Variants in STAG1 observed in about 807,000 individuals in gnomAD.
The protein encoded by STAG1 is STAG1 cohesin complex component, also known as cohesin subunit SA-1.
In STAG1, 26 loss-of-function variants were observed where a neutral mutation model predicts 170.9. That is an observed-to-expected ratio of 0.15 (90% confidence interval 0.11 to 0.21). The LOEUF (loss-of-function observed/expected upper bound fraction) is 0.21. Among genes scored for constraint, STAG1 ranks in the 10% least tolerant of loss-of-function variants. The pLI is 1.00. For missense variants in STAG1, 964 were observed against 1,509.5 expected, an observed-to-expected ratio of 0.64 and a Z score of 5.99; for synonymous variants, 514 against 497.7, an observed-to-expected ratio of 1.03 and a Z score of -0.44.
intron 9 of STAG1, among the ~76,000 whole-genome samples, chr3:136,481,689 G>T (rs1303626060): frequency 2.2e-5 from 2 of 91,434 alleles, no homozygotes; most frequent in Admixed American, 2.6e-4. Flanking sequence ...GGTAGAATTC[G>T]GCTGTGAATC....
rs114759119 is a variant in STAG1, at chr3:136,341,915, A to G, written c.3447-364T>C. On this transcript the variant is annotated intron_variant, in intron 30 of 33. Coordinates refer to ENST00000383202, the MANE Select transcript of STAG1 (RefSeq NM_005862.3). ...GCAGCTGAAAGTTCTCCAGAATTCA[A>G]CAAGGAAGAATATAGCATCTTTTCC... is the stretch of plus-strand genomic sequence containing the variant. 6.6e-3 allele frequency among the ~76,000 whole-genome samples: 1,003 copies of G among 152,360 alleles called. 11 individuals carry two copies. Among genetic ancestry groups the G allele is most frequent in the African/African-American group, 0.023 (943 of 41,588 alleles).
At chr3:136,617,571 G>C (rs1394291645) in intron 3 of STAG1, among the ~76,000 whole-genome samples, 2 of 152,272 alleles carry the variant, frequency 1.3e-5, no homozygotes, top group South Asian at 2.1e-4. Flanking sequence ...CTTAGTCCTA[G>C]CTTAGTCCTC....
chr3:136,372,163 G>A (rs1351911221), intron 23 of STAG1, among the ~76,000 whole-genome samples: 1 of 152,072 alleles, frequency 6.6e-6, no homozygotes, highest in Admixed American at 6.6e-5. Flanking sequence ...TGTTATTGGT[G>A]TATAAGAATG....
At chr3:136,562,888 T>A (rs1379119317) in intron 5 of STAG1, among the ~76,000 whole-genome samples, 2 of 152,194 alleles carry the variant, frequency 1.3e-5, no homozygotes, top group African/African-American at 4.8e-5. Context: ...ACGCCCAGCA[T>A]TTCTGACTAT....
At chr3:136,441,878 G>A (rs2088642370) in intron 15 of STAG1, among the ~76,000 whole-genome samples, 1 of 152,132 alleles carries the variant, frequency 6.6e-6, no homozygotes, top group Non-Finnish European at 1.5e-5. Flanking sequence ...TAAAAAGAGA[G>A]AGAGTTAAAA....
At chr3:136,393,842 C>T (rs1410994330) in intron 22 of STAG1, among the ~76,000 whole-genome samples, 2 of 152,224 alleles carry the variant, frequency 1.3e-5, no homozygotes, top group South Asian at 2.1e-4. Context: ...GTGATCTGCC[C>T]ACCTTGGCCT....
intron 7 of STAG1, among the ~76,000 whole-genome samples, chr3:136,504,355 T>C (rs1203728744): frequency 6.6e-6 from 1 of 152,198 alleles, no homozygotes; most frequent in Non-Finnish European, 1.5e-5. Context: ...AATGGATTTT[T>C]CAGGATTTTT....
intron 23 of STAG1, among the ~76,000 whole-genome samples, chr3:136,374,527 G>A (rs1425858737): frequency 1.3e-5 from 2 of 151,898 alleles, no homozygotes; most frequent in Non-Finnish European, 2.9e-5. Context: ...TGAGGCAGGA[G>A]AATTGCTTGA....
chr3:136,443,222 A>G, intron 15 of STAG1, 65 bp downstream of exon 15: 2 of 1,142,636 alleles, frequency 1.8e-6, no homozygotes, highest in South Asian at 1.3e-5. Flanking sequence ...AGCGATCTAT[A>G]TACAACTGTA....
intron 1 of STAG1, among the ~76,000 whole-genome samples, chr3:136,657,578 T>C (rs760238011): frequency 5.9e-5 from 9 of 152,086 alleles, no homozygotes; most frequent in Non-Finnish European, 1.0e-4. Context: ...TCCAAACATT[T>C]TGGGAGGCTA....
Position 136,341,297 on chromosome 3 carries a change from A to C in STAG1, c.3557+144T>G, listed in dbSNP as rs477142. 3 of 578,372 alleles carry C rather than the reference A, an allele frequency of 5.2e-6. No homozygotes were observed. In the African/African-American group the frequency reaches 5.7e-5, roughly 11 times the overall value. 35.8% of individuals were successfully genotyped at this position (578,372 alleles called of 1,614,324 possible). A position where few individuals can be genotyped will look rare whatever the true frequency, so the allele number is the denominator to read the frequency against. ...AATGCTGAAAGTGTTAAGAACTCAC[A>C]CCCTCCTTTCCTATGCTGCATAGCA... On this transcript the variant is annotated intron_variant, in intron 31 of 33. Coordinates refer to ENST00000383202, the MANE Select transcript of STAG1 (RefSeq NM_005862.3).
intron 6 of STAG1, among the ~76,000 whole-genome samples, chr3:136,525,857 A>G (rs1934989943): frequency 6.6e-6 from 1 of 152,212 alleles, no homozygotes. Flanking sequence ...TTATGTATCC[A>G]TTAGTCATTC....
intron 7 of STAG1, among the ~76,000 whole-genome samples, chr3:136,509,085 A>C (rs1207854106): frequency 1.3e-5 from 2 of 152,274 alleles, no homozygotes; most frequent in Non-Finnish European, 2.9e-5. Flanking sequence ...AAAGTTCTTG[A>C]GAAGGTGAAA....
intron 3 of STAG1, among the ~76,000 whole-genome samples, chr3:136,608,376 T>C (rs1477749659): frequency 1.3e-5 from 2 of 148,898 alleles, no homozygotes; most frequent in African/African-American, 5.0e-5. Context: ...AGCCCATCTC[T>C]ACAAAGTTAG....
chr3:136,520,990 T>C (rs1371138061), intron 7 of STAG1, among the ~76,000 whole-genome samples: 1 of 152,140 alleles, frequency 6.6e-6, no homozygotes, highest in Non-Finnish European at 1.5e-5. Flanking sequence ...TAACTAAACA[T>C]TCAGACAGAC....
rs983936960 is a variant in STAG1 at position 136,342,282 on chromosome 3, G to A, written c.3447-731C>T. Among the ~76,000 whole-genome samples the A allele has an allele frequency of 4.6e-5, 7 of 151,788 alleles. 1 individual carries two copies. Among genetic ancestry groups the A allele is most frequent in the Admixed American group, 4.6e-4 (7 of 15,226 alleles). The stretch of plus-strand genomic sequence containing the variant: ...GATCCACTTGCCTCGGCCTCCCAAA[G>A]TGCTGGGATTACAGGCATGAGCCAC... On this transcript the variant is annotated intron_variant, in intron 30 of 33. Coordinates refer to ENST00000383202, the MANE Select transcript of STAG1 (RefSeq NM_005862.3).
chr3:136,420,143 A>T (rs1368055370), intron 20 of STAG1, among the ~76,000 whole-genome samples: 1 of 148,986 alleles, frequency 6.7e-6, no homozygotes, highest in Non-Finnish European at 1.5e-5. Context: ...GCTACTCGAG[A>T]GGCTAAGGCA....
intron 4 of STAG1, among the ~76,000 whole-genome samples, chr3:136,571,389 C>T (rs1034631152): frequency 3.9e-5 from 6 of 152,024 alleles, no homozygotes; most frequent in Admixed American, 1.3e-4. Flanking sequence ...AGCAGCATGA[C>T]GAAACCCTGT....
At chr3:136,341,411 T>A in intron 31 of STAG1, 30 bp downstream of exon 31, 2 of 1,393,142 alleles carry the variant, frequency 1.4e-6, no homozygotes, top group Non-Finnish European at 1.0e-6. Context: ...ATAGTTGTTA[T>A]GTTCTTGTGA....
Sources: allele counts gnomAD v4.1 joint callset (sites outside exome capture counted in the v4.1 genomes callset), GRCh38; gene constraint gnomAD v4.1.1; transcripts MANE v1.5; gene names NCBI Gene and HGNC (gene_info 2026-07-23, HGNC 2026-07-21).